CFAP46: variants seen among roughly 807,000 people sequenced by gnomAD.
CFAP46 encodes cilia and flagella associated protein 46.
In CFAP46, 245 loss-of-function variants were observed where a neutral mutation model predicts 325.7. The ratio of observed to expected loss-of-function variants is 0.75; its 90% confidence interval spans 0.68 to 0.84. The LOEUF (loss-of-function observed/expected upper bound fraction) is 0.84, where lower values mean the gene tolerates loss of function less well. CFAP46 is among the 40% of genes least tolerant of loss of function. CFAP46 has a pLI of 0.00. For synonymous variants in CFAP46, 1,523 were observed against 1,495.9 expected, an observed-to-expected ratio of 1.02 and a Z score of -0.42; for missense variants, 3,346 against 3,543.0, an observed-to-expected ratio of 0.94 and a Z score of 1.41.
chr10:132,812,674 C>G, intron 55 of CFAP46, 111 bp downstream of exon 55: 1 of 726,056 alleles, frequency 1.4e-6, no homozygotes, highest in South Asian at 1.6e-5. Context: ...GAGGGGGCTG[C>G]GGCCACAGGG....
intron 22 of CFAP46, among the ~76,000 whole-genome samples, chr10:132,904,936 G>A (rs554937016): frequency 5.9e-5 from 9 of 152,134 alleles, no homozygotes; most frequent in Middle Eastern, 3.4e-3. Flanking sequence ...GCCAGTGACC[G>A]CATGACACTT....
intron 22 of CFAP46, among the ~76,000 whole-genome samples, 165 bp from the exon 23 acceptor site, chr10:132,899,831 G>A (rs1430790170): frequency 1.3e-5 from 2 of 152,226 alleles, no homozygotes; most frequent in Non-Finnish European, 2.9e-5. Flanking sequence ...CCCCGAATCT[G>A]AGTCAGCTTC....
chr10:132,849,203 C>T (rs959272011), intron 41 of CFAP46, among the ~76,000 whole-genome samples: 1 of 152,222 alleles, frequency 6.6e-6, no homozygotes, highest in African/African-American at 2.4e-5. Flanking sequence ...ACAGGAGGCC[C>T]TGCCGACCCT....
rs1301733323 is a variant in CFAP46, at chr10:132,869,368, C to A, written c.4516G>T (p.Ala1506Ser). 2.0e-6 allele frequency: 3 copies of A among 1,528,700 alleles called. No homozygotes were observed. The highest frequency in any genetic ancestry group is 4.9e-5 in the East Asian group (2 of 40,404). 94.7% of individuals were successfully genotyped at this position (1,528,700 alleles called of 1,614,324 possible). ...AGCTTCAGCTCGGAGCACGCGTGGG[C>A]GAGGCTGTGGGGAGTGTGGCCGAAA... is the stretch of plus-strand genomic sequence containing the variant. ...GLSDLYHLRL[A>S]HACSELKLRE... is the part of the protein sequence containing the mutation. Residue 1506 changes from alanine (A) to serine (S), a missense_variant, in exon 33 of 58, where the codon GCC becomes TCC. Physicochemically the swap from Ala to Ser is moderately conservative, Grantham distance 99. Transcript: ENST00000368586. This position sits in a 1 kb window ranked among gnomAD's most constrained non-coding sequence, Gnocchi z 6.2.
At chr10:132,822,801 G>GATGTGTGCTGTGTGTGTA (rs1847902017) in intron 50 of CFAP46, among the ~76,000 whole-genome samples, 1 of 66,836 alleles carries the variant, frequency 1.5e-5, no homozygotes. Flanking sequence ...CTGTGTGTGT[G>GATGTGTGCTGTGTGTGTA]CTGATGTGTG....
intron 44 of CFAP46, among the ~76,000 whole-genome samples, chr10:132,837,926 C>T (rs1189133179): frequency 6.6e-6 from 1 of 152,094 alleles, no homozygotes; most frequent in East Asian, 1.9e-4. Context: ...CCCAGACACG[C>T]AGACATGCAC....
intron 8 of CFAP46, among the ~76,000 whole-genome samples, chr10:132,934,354 C>T (rs1849959478): frequency 6.6e-6 from 1 of 151,784 alleles, no homozygotes; most frequent in South Asian, 2.1e-4. Context: ...GATACCAGCC[C>T]AGGACTTATC....
intron 5 of CFAP46, 110 bp from the exon 6 acceptor site, chr10:132,937,785 C>G: frequency 6.9e-7 from 1 of 1,443,838 alleles, no homozygotes; most frequent in Non-Finnish European, 9.2e-7. Flanking sequence ...AGTTTAAAAG[C>G]TACCCTGGGG....
chr10:132,913,282 C>A (rs1380755282), intron 17 of CFAP46, 24 bp from the exon 18 acceptor site: 1 of 1,543,374 alleles, frequency 6.5e-7, no homozygotes, highest in Non-Finnish European at 8.8e-7. Flanking sequence ...ACCACCAAGC[C>A]CTTAATGCAG....
chr10:132,911,126 C>T (rs995377792), intron 19 of CFAP46, among the ~76,000 whole-genome samples: 11 of 152,234 alleles, frequency 7.2e-5, no homozygotes, highest in Non-Finnish European at 1.6e-4. Flanking sequence ...GAGCCGCCCA[C>T]GGCGCCCTCC....
intron 57 of CFAP46, among the ~76,000 whole-genome samples, chr10:132,810,023 T>C (rs1326561213): frequency 2.0e-5 from 3 of 152,174 alleles, no homozygotes; most frequent in Non-Finnish European, 2.9e-5. Context: ...GAGTCCTTGC[T>C]TGGGGAGGGG....
At chr10:132,934,572 G>C (rs928304979) in intron 8 of CFAP46, among the ~76,000 whole-genome samples, 180 bp downstream of exon 8, 5 of 152,218 alleles carry the variant, frequency 3.3e-5, no homozygotes, top group Admixed American at 1.3e-4. Context: ...GTATTCGCAA[G>C]ACAGTACAAA....
At position 132,896,643 on chromosome 10, in the gene CFAP46, T is replaced by C. The variant is rs143021337; in HGVS notation, c.3219+2316A>G. Among the ~76,000 whole-genome samples, 462 of 152,332 alleles carry C rather than the reference T, an allele frequency of 3.0e-3. 2 individuals carry two copies. Among genetic ancestry groups the C allele is most frequent in the Admixed American group, 6.8e-3 (104 of 15,304 alleles). ...TCATGGATAGGAAGCCTTAACATTG[T>C]TAAAATGTCAATACTACCCAAAGCA... On this transcript the variant is annotated intron_variant, in intron 24 of 57. Transcript: ENST00000368586.
chr10:132,901,606 T>C (rs553512105), intron 22 of CFAP46, among the ~76,000 whole-genome samples: 1 of 152,322 alleles, frequency 6.6e-6, no homozygotes, highest in Admixed American at 6.5e-5. Flanking sequence ...CTTGCCTCTA[T>C]ATTTATGAAA....
chr10:132,937,791 T>C (rs1420030771), intron 5 of CFAP46, 116 bp from the exon 6 acceptor site: 2 of 1,391,112 alleles, frequency 1.4e-6, no homozygotes, highest in African/African-American at 2.9e-5. Context: ...AAAGCTACCC[T>C]GGGGTCAGCT....
intron 13 of CFAP46, 116 bp downstream of exon 13, chr10:132,921,988 T>C (rs1849730619): frequency 6.9e-6 from 9 of 1,308,814 alleles, no homozygotes; most frequent in Non-Finnish European, 9.3e-6. Flanking sequence ...TGCAAGGTCC[T>C]TGTGCATCCA....
intron 31 of CFAP46, among the ~76,000 whole-genome samples, chr10:132,874,983 C>A (rs1848939789): frequency 6.6e-6 from 1 of 152,108 alleles, no homozygotes; most frequent in Non-Finnish European, 1.5e-5. Flanking sequence ...AATGTGTTTG[C>A]AGATAAAACG....
At chr10:132,921,173 TG>T (rs1340201872) in intron 13 of CFAP46, among the ~76,000 whole-genome samples, 1 of 152,194 alleles carries the variant, frequency 6.6e-6, no homozygotes, top group Admixed American at 6.5e-5. Context: ...GGCTGCAGTC[TG>T]GGTGACACCT....
At chr10:132,931,958 G>A (rs1308794603) in intron 8 of CFAP46, among the ~76,000 whole-genome samples, 49 of 97,002 alleles carry the variant, frequency 5.1e-4, no homozygotes, top group Non-Finnish European at 7.7e-4. Context: ...ACACACAGAG[G>A]CTGGGCCTTC....
Sources: allele counts gnomAD v4.1 joint callset (sites outside exome capture counted in the v4.1 genomes callset), GRCh38; gene constraint gnomAD v4.1.1; non-coding constraint Gnocchi (gnomAD v3.1); transcripts MANE v1.5; gene names NCBI Gene and HGNC (gene_info 2026-07-23, HGNC 2026-07-21).